The following CREBBP variants were observed in gnomAD, a reference collection of about 807,000 sequenced individuals.
CREBBP encodes the protein CREB binding lysine acetyltransferase, also known as CREB-binding protein.
In CREBBP, 19 loss-of-function variants were observed where a neutral mutation model predicts 265.0. That is an observed-to-expected ratio of 0.07 (90% confidence interval 0.05 to 0.11). The LOEUF is 0.11. CREBBP is among the 10% of genes least tolerant of loss of function. The pLI is 1.00. For synonymous variants in CREBBP, 1,457 were observed against 1,223.7 expected (o/e 1.19, Z -3.98); for missense variants, 2,525 against 3,219.0 (o/e 0.78, Z 5.22).
In CREBBP at chr16:3,793,154, G is replaced by C. The variant is rs141350725; in HGVS notation, c.1216+232C>G. 7.7e-3 allele frequency among the ~76,000 whole-genome samples: 1,175 copies of C among 152,338 alleles called. 14 individuals are homozygous for C. Among genetic ancestry groups the C allele is most frequent in the Middle Eastern group, 0.034 (10 of 294 alleles). The stretch of plus-strand genomic sequence containing the variant: ...ATACGGGGCACAGCTTCAAGCAGCA[G>C]AAGTTCACAGAGTATCAGAAAACCA... On this transcript the variant is annotated intron_variant, in intron 4 of 30. Transcript: ENST00000262367.
intron 2 of CREBBP, among the ~76,000 whole-genome samples, chr16:3,843,236 T>G (rs1314628309): frequency 6.6e-6 from 1 of 152,164 alleles, no homozygotes; most frequent in African/African-American, 2.4e-5. Flanking sequence ...CTTCTTAATC[T>G]GTAACATGTG....
At chr16:3,863,337 T>C (rs2055114259) in intron 1 of CREBBP, among the ~76,000 whole-genome samples, 1 of 152,150 alleles carries the variant, frequency 6.6e-6, no homozygotes, top group African/African-American at 2.4e-5. Flanking sequence ...GCACAGTAGC[T>C]CATGCCTGTA....
rs1231312877 is a variant in CREBBP, at chr16:3,726,736, T to C, written c.*982A>G. On this transcript the variant is annotated 3_prime_UTR_variant, in exon 31 of 31. Coordinates refer to ENST00000262367, the MANE Select transcript of CREBBP (RefSeq NM_004380.3). The stretch of plus-strand genomic sequence containing the variant: ...ACACATGCATAGTCCAAATACAATG[T>C]TGAAAACAGCATTTTCATAACAAAA... The C allele has an allele frequency of 4.3e-6, 1 of 233,670 alleles. No homozygotes were observed. Among genetic ancestry groups the C allele is most frequent in the East Asian group, 6.1e-5 (1 of 16,526 alleles). The allele number at this position is 233,670 out of a possible 1,614,324, so 14.5% of individuals were successfully genotyped here. A position where few individuals can be genotyped will look rare whatever the true frequency, so the allele number is the denominator to read the frequency against.
chr16:3,729,053 C>T lies in CREBBP; in HGVS notation c.5994G>A (p.Val1998=), dbSNP rs2151306821. 6.3e-7 allele frequency: 1 copy of T among 1,585,478 alleles called. No homozygotes were observed. The highest frequency in any genetic ancestry group is 8.5e-7 in the Non-Finnish European group (1 of 1,171,496). The change falls in exon 31 of 31, where the codon GTG becomes GTA. Residue 1998 remains valine, a synonymous_variant. Coordinates refer to ENST00000262367, the MANE Select transcript of CREBBP (RefSeq NM_004380.3). ...GGTTGGGTCGGGGCACATTCAGGCT[C>T]ACGGGGGCCATCTGGCTCCCCGGGG... The part of the protein sequence containing the change: ...MGTPGSQMAP[V]SLNVPRPNQV...
At chr16:3,828,381 C>G (rs185506172) in intron 2 of CREBBP, among the ~76,000 whole-genome samples, 18 of 152,322 alleles carry the variant, frequency 1.2e-4, no homozygotes, top group African/African-American at 3.4e-4. Flanking sequence ...CGTGAGCCAC[C>G]ATGCCCGTCG....
intron 1 of CREBBP, among the ~76,000 whole-genome samples, chr16:3,870,487 C>CA (rs2141582166): frequency 6.6e-6 from 1 of 152,276 alleles, no homozygotes; most frequent in African/African-American, 2.4e-5. Context: ...TAACTAGAAA[C>CA]AGAGTTCCAT....
chr16:3,727,605 T>C lies in CREBBP; in HGVS notation c.*113A>G. The C allele has an allele frequency of 6.4e-7, 1 of 1,563,890 alleles. No homozygotes were observed. Among genetic ancestry groups the C allele is most frequent in the South Asian group, 1.1e-5 (1 of 88,342 alleles). On this transcript the variant is annotated 3_prime_UTR_variant, in exon 31 of 31. Coordinates refer to ENST00000262367, the MANE Select transcript of CREBBP (RefSeq NM_004380.3). ...GTTTCTTTAAACATCAATCCACCCTTCCATGGCTCGGAAGTCGCAGTTCCA... is the reference window on the plus strand; with the variant it reads ...GTTTCTTTAAACATCAATCCACCCTCCCATGGCTCGGAAGTCGCAGTTCCA...
At chr16:3,763,133 G>C (rs1195680617) in intron 16 of CREBBP, among the ~76,000 whole-genome samples, 1 of 151,564 alleles carries the variant, frequency 6.6e-6, no homozygotes, top group Non-Finnish European at 1.5e-5. Flanking sequence ...TCTATGTGCT[G>C]TAAGATGAAA....
Position 3,852,966 on chromosome 16 carries a change from C to CA in CREBBP, c.86-1958dup, listed in dbSNP as rs1332391780. On this transcript the variant is annotated intron_variant, in intron 1 of 30. Coordinates refer to ENST00000262367, the MANE Select transcript of CREBBP (RefSeq NM_004380.3). The stretch of plus-strand genomic sequence containing the variant: ...TCATCTTAGTATTATCTGTAGCATC[C>CA]AAAAAAAAAAAAAAAGCACAAAAAA... 4.5e-3 allele frequency among the ~76,000 whole-genome samples: 526 copies of CA among 115,644 alleles called. 1 individual carries two copies. The highest frequency in any genetic ancestry group is 0.014 in the South Asian group (52 of 3,730). The allele number at this position is 115,644 out of a possible 152,430, so 75.9% of individuals were successfully genotyped here.
chr16:3,742,094 A>C (rs545296627), intron 23 of CREBBP: 1 of 142,962 alleles, frequency 7.0e-6, no homozygotes, highest in Admixed American at 6.6e-5. Flanking sequence ...AAACAAAACA[A>C]AACAAAAAAA....
intron 26 of CREBBP, 81 bp from the exon 27 acceptor site, chr16:3,736,896 A>G (rs2151330644): frequency 1.9e-6 from 3 of 1,543,570 alleles, no homozygotes; most frequent in Non-Finnish European, 1.8e-6. Flanking sequence ...CAGAGGAGCA[A>G]GGACTAAAGC....
At position 3,728,189 on chromosome 16, in the gene CREBBP, G is replaced by A. The variant is rs2151300975; in HGVS notation, c.6858C>T (p.Asn2286=). Residue 2286 remains asparagine (N), a synonymous_variant, in exon 31 of 31, where the codon AAC becomes AAT. Transcript: ENST00000262367. The surrounding 1 kb of genome is among the most constrained non-coding windows in gnomAD (Gnocchi z 8.7). The stretch of plus-strand genomic sequence containing the variant: ...TCCGCTGCTGCAGGGCTTGCTGGAT[G>A]TTGGGGGTGCTGTCTGCCCCCAGCC... ...QPGLGADSTP[N]IQQALQQRIL... The A allele has an allele frequency of 6.2e-7, 1 of 1,614,034 alleles. No individual in the cohort carries two copies. Among genetic ancestry groups the A allele is most frequent in the South Asian group, 1.1e-5 (1 of 91,082 alleles).
chr16:3,740,268 C>A, intron 24 of CREBBP, 131 bp downstream of exon 24: 2 of 1,029,542 alleles, frequency 1.9e-6, no homozygotes, highest in Non-Finnish European at 1.5e-6. Context: ...GCTGAGGGGG[C>A]TACTGCACGC....
intron 28 of CREBBP, among the ~76,000 whole-genome samples, chr16:3,735,143 C>T (rs1315763577): frequency 1.3e-5 from 2 of 152,186 alleles, no homozygotes; most frequent in Non-Finnish European, 2.9e-5. Flanking sequence ...TCTTCCAGCA[C>T]CTTCCTGTGG....
chr16:3,837,261 GTGTGTGTC>G (rs1324610735), intron 2 of CREBBP, among the ~76,000 whole-genome samples: 1 of 152,188 alleles, frequency 6.6e-6, no homozygotes, highest in Non-Finnish European at 1.5e-5. Context: ...AGGCTAGTGT[GTGTGTGTC>G]TGTGTGTATG....
At chr16:3,775,917 CTTTCT>C (rs925012774) in intron 11 of CREBBP, among the ~76,000 whole-genome samples, 3 of 29,702 alleles carry the variant, frequency 1.0e-4, no homozygotes, top group South Asian at 2.2e-3. Context: ...TCCTTGATTT[CTTTCT>C]TTTTTTTTTT....
rs1451229556 is a variant in CREBBP at position 3,726,696 on chromosome 16, T to C, written c.*1022A>G. On this transcript the variant is annotated 3_prime_UTR_variant, in exon 31 of 31. Transcript: ENST00000262367. Reference sequence around the variant, plus strand: ...TATCAATTTTAAGCGGTACTTTATATACAATGGGGAAAAAACACATGCATA... The same window carrying C: ...TATCAATTTTAAGCGGTACTTTATACACAATGGGGAAAAAACACATGCATA... The C allele has an allele frequency of 3.0e-5, 7 of 233,566 alleles. No individual in the cohort carries two copies. The highest frequency in any genetic ancestry group is 2.8e-4 in the Admixed American group (5 of 17,790). 14.5% of individuals were successfully genotyped at this position (233,566 alleles called of 1,614,324 possible). A position where few individuals can be genotyped will look rare whatever the true frequency, so the allele number is the denominator to read the frequency against.
At chr16:3,872,248 A>G (rs1286726736) in intron 1 of CREBBP, among the ~76,000 whole-genome samples, 1 of 152,126 alleles carries the variant, frequency 6.6e-6, no homozygotes, top group Non-Finnish European at 1.5e-5. Flanking sequence ...AAACTTTAAA[A>G]AGAGAGGGGC....
In CREBBP at chr16:3,731,929, C is replaced by T. The variant is rs779136868; in HGVS notation, c.4737G>A (p.Gln1579=). 1 of 1,614,210 alleles carries T rather than the reference C, an allele frequency of 6.2e-7. No individual in the cohort carries two copies. Among genetic ancestry groups the T allele is most frequent in the Non-Finnish European group, 8.5e-7 (1 of 1,180,042 alleles). ...TCTTCTTGGCATTCTTGCTGTCGCC[C>T]TGACTGCCCTGCAACAACACGCAAG... ...TAASETTEGS[Q]GDSKNAKKKN... The change falls in exon 29 of 31, where the codon CAG becomes CAA. Residue 1579 remains glutamine (Q), a synonymous_variant. Transcript: ENST00000262367. The surrounding 1 kb of genome is among the most constrained non-coding windows in gnomAD (Gnocchi z 7.7).
Sources: allele counts gnomAD v4.1 joint callset (sites outside exome capture counted in the v4.1 genomes callset), GRCh38; gene constraint gnomAD v4.1.1; non-coding constraint Gnocchi (gnomAD v3.1); transcripts MANE v1.5; gene names NCBI Gene and HGNC (gene_info 2026-07-23, HGNC 2026-07-21).